The following SLAMF6 variants were observed in gnomAD, a reference collection of about 807,000 sequenced individuals.
SLAMF6 encodes SLAM family member 6, also known as NK-T-B-antigen.
In SLAMF6, 21 loss-of-function variants were observed where a neutral mutation model predicts 38.3. The ratio of observed to expected loss-of-function variants is 0.55; its 90% CI spans 0.39 to 0.79. The LOEUF (loss-of-function observed/expected upper bound fraction) is 0.79. Among genes scored for constraint, SLAMF6 ranks in the 30% least tolerant of loss-of-function variants. SLAMF6 has a pLI of 0.00. For synonymous variants in SLAMF6, 152 were observed against 146.3 expected, an observed-to-expected ratio of 1.04 and a Z score of -0.28; for missense variants, 341 against 385.3, an observed-to-expected ratio of 0.89 and a Z score of 0.96.
intron 1 of SLAMF6, among the ~76,000 whole-genome samples, chr1:160,517,331 G>A (rs1179162139): frequency 2.6e-5 from 4 of 151,808 alleles, no homozygotes; most frequent in Admixed American, 6.6e-5. Context: ...TGACAGAATA[G>A]TGATTATGAA....
At chr1:160,509,944 A>T (rs1438049815) in intron 1 of SLAMF6, among the ~76,000 whole-genome samples, 1 of 152,184 alleles carries the variant, frequency 6.6e-6, no homozygotes, top group Non-Finnish European at 1.5e-5. Context: ...TATAGAAATA[A>T]CAACTAAAAG....
At chr1:160,491,774 G>A (rs1246973002) in intron 2 of SLAMF6, among the ~76,000 whole-genome samples, 2 of 152,144 alleles carry the variant, frequency 1.3e-5, no homozygotes, top group Non-Finnish European at 2.9e-5. Flanking sequence ...AACTCTGAGG[G>A]CAACTCAGTG....
intron 1 of SLAMF6, among the ~76,000 whole-genome samples, chr1:160,513,755 C>A (rs1205832518): frequency 6.6e-6 from 1 of 152,108 alleles, no homozygotes; most frequent in African/African-American, 2.4e-5. Flanking sequence ...TCATATCTGG[C>A]CAAATGAAGC....
Position 160,486,745 on chromosome 1 carries a change from T to A in SLAMF6, c.961A>T (p.Thr321Ser). 1 of 1,613,676 alleles carries A rather than the reference T, an allele frequency of 6.2e-7. No individual in the cohort carries two copies. The change falls in exon 8 of 8, where the codon ACT becomes TCT. Residue 321 changes from threonine (T) to serine (S), a missense_variant. Physicochemically the swap from Thr to Ser is moderately conservative, Grantham distance 58 (BLOSUM62 1). Coordinates refer to ENST00000368057, the MANE Select transcript of SLAMF6 (RefSeq NM_001184714.2). ...TCAAGGGCAGTTGCCCTGGAAAAAG[T>A]GGGTTTACTCTGTGGGAAAAAGAGG... ...TINHSKESKP[T>S]FSRATALDNV... is the part of the protein sequence containing the mutation.
chr1:160,489,219 C>G, intron 5 of SLAMF6, 49 bp from the exon 6 acceptor site: 1 of 1,587,840 alleles, frequency 6.3e-7, no homozygotes, highest in Non-Finnish European at 8.6e-7. Context: ...TCTGGGACTT[C>G]TCTCCCAGGA....
At chr1:160,495,809 T>C (rs917799678) in intron 2 of SLAMF6, among the ~76,000 whole-genome samples, 1 of 152,200 alleles carries the variant, frequency 6.6e-6, no homozygotes, top group Non-Finnish European at 1.5e-5. Flanking sequence ...CCATTACTTC[T>C]GCTACATTTC....
Position 160,505,603 on chromosome 1 carries a change from A to C in SLAMF6, c.50-9210T>G, listed in dbSNP as rs111836633. On this transcript the variant is annotated intron_variant, in intron 1 of 7. Coordinates refer to ENST00000368057, the MANE Select transcript of SLAMF6 (RefSeq NM_001184714.2). ...TATTTTGTAGAGATGCAGTTTCACT[A>C]TGTTGCCCAGGCTGGTTTGAACTCC... 6.5e-3 allele frequency among the ~76,000 whole-genome samples: 982 copies of C among 152,168 alleles called. 10 individuals are homozygous for C. The highest frequency in any genetic ancestry group is 0.022 in the African/African-American group (919 of 41,496).
At chr1:160,504,833 A>C (rs1381172718) in intron 1 of SLAMF6, among the ~76,000 whole-genome samples, 1 of 152,210 alleles carries the variant, frequency 6.6e-6, no homozygotes, top group Non-Finnish European at 1.5e-5. Flanking sequence ...TATACCAGGG[A>C]ATTTGGAAAG....
Position 160,490,230 on chromosome 1 carries a change from A to G in SLAMF6, c.764T>C (p.Leu255Pro). ...LLVLRKRRDSLSLSTQRTQGP... is the reference protein window; with the variant it reads ...LLVLRKRRDSPSLSTQRTQGP... ...CTGTGTTCGCTGAGTAGACAAAGATAGGGAATCTGAAAAATAAAACCAGAA... is the reference window on the plus strand; with the variant it reads ...CTGTGTTCGCTGAGTAGACAAAGATGGGGAATCTGAAAAATAAAACCAGAA... The change falls in exon 5 of 8, where the codon CTA becomes CCA. Residue 255 changes from leucine (L) to proline (P), a missense_variant. Coordinates refer to ENST00000368057, the MANE Select transcript of SLAMF6 (RefSeq NM_001184714.2). The G allele has an allele frequency of 1.9e-6, 3 of 1,613,726 alleles. No individual in the cohort carries two copies. The highest frequency in any genetic ancestry group is 1.1e-5 in the South Asian group (1 of 91,066).
At chr1:160,499,807 T>C (rs1205741945) in intron 1 of SLAMF6, among the ~76,000 whole-genome samples, 1 of 152,176 alleles carries the variant, frequency 6.6e-6, no homozygotes, top group Non-Finnish European at 1.5e-5. Context: ...GCACTTCCTC[T>C]CTCTTTCATG....
intron 1 of SLAMF6, among the ~76,000 whole-genome samples, chr1:160,506,698 C>A (rs952463136): frequency 1.3e-5 from 2 of 152,036 alleles, no homozygotes; most frequent in African/African-American, 2.4e-5. Context: ...ATGAGTAAAA[C>A]AATAATTATA....
intron 1 of SLAMF6, among the ~76,000 whole-genome samples, chr1:160,520,179 C>A (rs1207614319): frequency 6.6e-6 from 1 of 152,108 alleles, no homozygotes; most frequent in Non-Finnish European, 1.5e-5. Context: ...TGCTCGGGGG[C>A]CATCAGGTCA....
At chr1:160,522,628 C>CA (rs1553228351) in intron 1 of SLAMF6, among the ~76,000 whole-genome samples, 3 of 150,418 alleles carry the variant, frequency 2.0e-5, no homozygotes, top group Non-Finnish European at 4.4e-5. Context: ...AGATGGAAAC[C>CA]TTTTTTTTTG....
chr1:160,500,469 A>G (rs1653825694), intron 1 of SLAMF6, among the ~76,000 whole-genome samples: 2 of 152,168 alleles, frequency 1.3e-5, no homozygotes, highest in Admixed American at 6.6e-5. Context: ...TTTTGCCTCC[A>G]TAAAGTCATT....
rs376320518 is a variant in SLAMF6 at position 160,489,771 on chromosome 1, G to A, written c.796+427C>T. Among the ~76,000 whole-genome samples the A allele has an allele frequency of 1.2e-3, 179 of 152,248 alleles. 1 individual carries two copies. The highest frequency in any genetic ancestry group is 3.1e-3 in the South Asian group (15 of 4,820). On this transcript the variant is annotated intron_variant, in intron 5 of 7. Transcript: ENST00000368057. The stretch of plus-strand genomic sequence containing the variant: ...CAATCTGAGTCCAGAGCCTGTGTTT[G>A]TGTTTCTATATCATGTTTTCTCTTT...
chr1:160,491,185 T>C lies in SLAMF6; in HGVS notation c.586A>G (p.Ile196Val). Residue 196 changes from isoleucine to valine, a missense_variant, in exon 3 of 8, where the codon ATA becomes GTA. By Grantham distance (29) the Ile-to-Val change is conservative (BLOSUM62 3). Transcript: ENST00000368057. ...AAATTACTGACAGCATTCTCTGCTA[T>C]GCAGGTGTAGTCCTGTTCACTGGAA... ...RISSEQDYTC[I>V]AENAVSNLSF... The C allele has an allele frequency of 1.9e-6, 3 of 1,614,108 alleles. No homozygotes were observed. The highest frequency in any genetic ancestry group is 2.5e-6 in the Non-Finnish European group (3 of 1,179,998).
chr1:160,490,525 C>G, intron 4 of SLAMF6, 50 bp downstream of exon 4: 2 of 1,594,298 alleles, frequency 1.3e-6, no homozygotes, highest in Non-Finnish European at 1.7e-6. Flanking sequence ...CCCAAACTCT[C>G]AATCACTGGA....
chr1:160,500,104 G>T (rs1480891277), intron 1 of SLAMF6, among the ~76,000 whole-genome samples: 1 of 152,176 alleles, frequency 6.6e-6, no homozygotes, highest in East Asian at 1.9e-4. Flanking sequence ...ATAAAGGAAG[G>T]ATCCTGGAAT....
intron 1 of SLAMF6, among the ~76,000 whole-genome samples, chr1:160,517,361 T>G (rs1407306362): frequency 6.6e-6 from 1 of 152,184 alleles, no homozygotes; most frequent in African/African-American, 2.4e-5. Flanking sequence ...AAACAACAGA[T>G]GCTTGTGAGG....
Sources: allele counts gnomAD v4.1 joint callset (sites outside exome capture counted in the v4.1 genomes callset), GRCh38; gene constraint gnomAD v4.1.1; transcripts MANE v1.5; gene names NCBI Gene and HGNC (gene_info 2026-07-23, HGNC 2026-07-21).